EEA1: variants seen among roughly 807,000 people sequenced by gnomAD.
The protein encoded by EEA1 is early endosome antigen 1, 162kD.
A neutral mutation model predicts 209.2 loss-of-function variants in EEA1; 111 were observed. The ratio of observed to expected loss-of-function variants is 0.53; its 90% CI spans 0.45 to 0.62. EEA1 has a LOEUF of 0.62. Among genes scored for constraint, EEA1 ranks in the 20% least tolerant of loss-of-function variants. The pLI is 0.00. For missense variants in EEA1, 1,343 were observed against 1,530.8 expected (o/e 0.88, Z 2.05); for synonymous variants, 536 against 540.6 (o/e 0.99, Z 0.12).
At chr12:92,852,044 G>A (rs992549904) in intron 8 of EEA1, 131 bp downstream of exon 8, 1 of 620,052 alleles carries the variant, frequency 1.6e-6, no homozygotes, top group Non-Finnish European at 2.5e-6. Flanking sequence ...GCAGGTGGTA[G>A]AATATAGGGA....
At chr12:92,814,135 G>T (rs11610982) in intron 15 of EEA1, among the ~76,000 whole-genome samples, 38,475 of 152,054 alleles carry the variant, frequency 0.25, 5,329 homozygotes, top group Non-Finnish European at 0.32. Context: ...GCTGGTTGAA[G>T]AGAGGATCAA....
chr12:92,774,504 A>G lies in EEA1; in HGVS notation c.*1507T>C, dbSNP rs1873571200. On this transcript the variant is annotated 3_prime_UTR_variant, in exon 29 of 29. Coordinates refer to ENST00000322349, the MANE Select transcript of EEA1 (RefSeq NM_003566.4). ...GATTGCACTGAATGAATGTATAACT[A>G]CACTTCTTCTCTAGAAAGATTAATA... The G allele has an allele frequency of 6.6e-6, 1 of 151,712 alleles. No homozygotes were observed. Among genetic ancestry groups the G allele is most frequent in the African/African-American group, 2.4e-5 (1 of 41,432 alleles). The allele number at this position is 151,712 out of a possible 1,614,324, so 9.4% of individuals were successfully genotyped here.
At chr12:92,799,201 T>C in intron 20 of EEA1, 115 bp from the exon 21 acceptor site, 1 of 894,544 alleles carries the variant, frequency 1.1e-6, no homozygotes, top group Non-Finnish European at 1.6e-6. Context: ...AAAGACAATT[T>C]ACTGAGTAAC....
In EEA1 at chr12:92,824,350, A is replaced by G. The variant is rs578188895; in HGVS notation, c.1524+1816T>C. 1.1e-4 allele frequency among the ~76,000 whole-genome samples: 17 copies of G among 152,272 alleles called. No homozygotes were observed. In the East Asian group the frequency reaches 2.7e-3, roughly 24 times the overall value. ...TTCTACTTATGTACCTATACAGTCT[A>G]CTCTCAACACATCAGCCAGAATAAT... is the stretch of plus-strand genomic sequence containing the variant. On this transcript the variant is annotated intron_variant, in intron 13 of 28. Transcript: ENST00000322349.
In EEA1 at chr12:92,873,054, CAT is replaced by C. The variant is rs1289405255; in HGVS notation, c.118-8069_118-8068del. On this transcript the variant is annotated intron_variant, in intron 2 of 28. Transcript: ENST00000322349. ...CAATAAGCATGAAATGTTATAACAT[CAT>C]GAGTGTCAGTGTCAAAAATAGATGT... is the stretch of plus-strand genomic sequence containing the variant. Among the ~76,000 whole-genome samples, 3 of 152,292 alleles carry C rather than the reference CAT, an allele frequency of 2.0e-5. No homozygotes were observed. In the East Asian group the frequency reaches 5.8e-4, roughly 29 times the overall value.
intron 22 of EEA1, among the ~76,000 whole-genome samples, chr12:92,786,615 T>C (rs1299219729): frequency 6.6e-6 from 1 of 152,116 alleles, no homozygotes; most frequent in African/African-American, 2.4e-5. Context: ...TTAATGTTCA[T>C]CCCAGTTCTA....
intron 22 of EEA1, among the ~76,000 whole-genome samples, chr12:92,782,855 C>T (rs1410423336): frequency 6.6e-6 from 1 of 152,160 alleles, no homozygotes; most frequent in Non-Finnish European, 1.5e-5. Context: ...AGGGTCCTGC[C>T]TCATACCCTG....
At chr12:92,921,426 A>G (rs1880989634) in intron 1 of EEA1, among the ~76,000 whole-genome samples, 2 of 95,674 alleles carry the variant, frequency 2.1e-5, no homozygotes, top group Admixed American at 2.0e-4. Flanking sequence ...GCCATAAAAA[A>G]TGATGAGTTC....
intron 2 of EEA1, among the ~76,000 whole-genome samples, chr12:92,879,794 A>G (rs1375797752): frequency 6.6e-6 from 1 of 152,228 alleles, no homozygotes; most frequent in African/African-American, 2.4e-5. Context: ...GAGGGCCTCA[A>G]ATGGCCTAAC....
chr12:92,929,257 G>A lies in EEA1; in HGVS notation c.-191C>T, dbSNP rs1188697306. 1.4e-5 allele frequency: 6 copies of A among 440,682 alleles called. No individual in the cohort carries two copies. In the Admixed American group the frequency reaches 1.8e-4, roughly 13 times the overall value. 27.3% of individuals were successfully genotyped at this position (440,682 alleles called of 1,614,324 possible). A position where few individuals can be genotyped will look rare whatever the true frequency, so the allele number is the denominator to read the frequency against. On this transcript the variant is annotated 5_prime_UTR_variant, in exon 1 of 29. Coordinates refer to ENST00000322349, the MANE Select transcript of EEA1 (RefSeq NM_003566.4). ...AGGCGGCGAGAGGGAGCACGCGAGA[G>A]AGAGCGAGCGAACGACTAGGCAGCC...
intron 1 of EEA1, among the ~76,000 whole-genome samples, chr12:92,925,021 T>A (rs1241557058): frequency 6.6e-6 from 1 of 152,026 alleles, no homozygotes; most frequent in Non-Finnish European, 1.5e-5. Context: ...TCTTGGGGCA[T>A]CCTGAGTTTG....
chr12:92,891,052 C>T (rs917103384), intron 2 of EEA1, among the ~76,000 whole-genome samples: 1 of 152,086 alleles, frequency 6.6e-6, no homozygotes, highest in African/African-American at 2.4e-5. Flanking sequence ...CTTCACATTC[C>T]TTATCTCCTT....
intron 22 of EEA1, among the ~76,000 whole-genome samples, chr12:92,782,992 A>G (rs1416083948): frequency 6.6e-6 from 1 of 152,212 alleles, no homozygotes; most frequent in African/African-American, 2.4e-5. Flanking sequence ...CCCTTCCCCC[A>G]TATCACCCAA....
intron 9 of EEA1, among the ~76,000 whole-genome samples, chr12:92,847,273 G>A (rs192102715): frequency 6.6e-6 from 1 of 152,154 alleles, no homozygotes; most frequent in Non-Finnish European, 1.5e-5. Flanking sequence ...TAAATTTTTA[G>A]CTTCTTTAAT....
At chr12:92,876,429 T>A (rs1472191434) in intron 2 of EEA1, among the ~76,000 whole-genome samples, 1 of 152,130 alleles carries the variant, frequency 6.6e-6, no homozygotes. Context: ...TCCACCAGGA[T>A]AAATACTTTT....
At position 92,802,558 on chromosome 12, in the gene EEA1, G is replaced by A; in HGVS notation, c.2516C>T (p.Thr839Ile). 1 of 1,601,134 alleles carries A rather than the reference G, an allele frequency of 6.2e-7. No homozygotes were observed. The highest frequency in any genetic ancestry group is 8.5e-7 in the Non-Finnish European group (1 of 1,175,854). Residue 839 changes from threonine (T) to isoleucine (I), a missense_variant, in exon 19 of 29, where the codon ACA becomes ATA. By Grantham distance (89) the Thr-to-Ile change is moderately conservative (BLOSUM62 -1). Coordinates refer to ENST00000322349, the MANE Select transcript of EEA1 (RefSeq NM_003566.4). ...CTCCATTTTCACTTTTTGTAGTTCTGTTACTGTTGTTTGAATTCTGTTATT... is the reference window on the plus strand; with the variant it reads ...CTCCATTTTCACTTTTTGTAGTTCTATTACTGTTGTTTGAATTCTGTTATT... ...ELNNRIQTTV[T>I]ELQKVKMEKE...
At chr12:92,777,757 A>G (rs890918886) in intron 26 of EEA1, 94 bp from the exon 27 acceptor site, 4 of 1,342,984 alleles carry the variant, frequency 3.0e-6, no homozygotes, top group Non-Finnish European at 4.0e-6. Context: ...GTAATTTAAA[A>G]TATATGATAC....
chr12:92,902,627 GC>G (rs1880198876), intron 1 of EEA1, among the ~76,000 whole-genome samples: 1 of 151,458 alleles, frequency 6.6e-6, no homozygotes, highest in African/African-American at 2.4e-5. Flanking sequence ...TGTAATCCAA[GC>G]TACTCAGGAC....
intron 3 of EEA1, among the ~76,000 whole-genome samples, chr12:92,864,495 A>C (rs925463719): frequency 2.0e-5 from 3 of 152,198 alleles, no homozygotes; most frequent in Non-Finnish European, 4.4e-5. Flanking sequence ...TTTAAATTAA[A>C]AATTAAATTT....
Sources: allele counts gnomAD v4.1 joint callset (sites outside exome capture counted in the v4.1 genomes callset), GRCh38; gene constraint gnomAD v4.1.1; transcripts MANE v1.5; gene names NCBI Gene and HGNC (gene_info 2026-07-23, HGNC 2026-07-21).